GALNT13: variants seen among roughly 807,000 people sequenced by gnomAD.
GALNT13 encodes the protein polypeptide N-acetylgalactosaminyltransferase 13, also known as UDP-GalNAc:polypeptide N-acetylgalactosaminyltransferase 13.
In GALNT13, 28 loss-of-function variants were observed where a neutral mutation model predicts 64.2. The observed-to-expected ratio is 0.44, with a 90% CI of 0.32 to 0.60. The LOEUF (loss-of-function observed/expected upper bound fraction) is 0.60, where lower values mean the gene tolerates loss of function less well. Among genes scored for constraint, GALNT13 ranks in the 20% least tolerant of loss-of-function variants. The pLI, the probability that GALNT13 is intolerant of heterozygous loss-of-function variation, is 0.05. For missense variants in GALNT13, 577 were observed against 669.8 expected (o/e 0.86, Z 1.53); for synonymous variants, 214 against 224.6 (o/e 0.95, Z 0.42).
chr2:153,274,716 T>C, the GALNT13 span, among the ~76,000 whole-genome samples: 225 of 152,350 alleles, frequency 1.5e-3, 1 homozygote, highest in African/African-American at 5.1e-3. Flanking sequence ...TGCATTCTTT[T>C]CTCTACTTTC....
intron 3 of GALNT13, among the ~76,000 whole-genome samples, chr2:154,072,942 G>T (rs1278791343): frequency 6.6e-6 from 1 of 151,966 alleles, no homozygotes; most frequent in Non-Finnish European, 1.5e-5. Flanking sequence ...TATTAATGTG[G>T]CCTATGTCAG....
chr2:154,402,854 C>G (rs2105376695), intron 10 of GALNT13, among the ~76,000 whole-genome samples: 1 of 152,224 alleles, frequency 6.6e-6, no homozygotes, highest in East Asian at 1.9e-4. Context: ...TCAAGGTGTT[C>G]TTAGAAAAGT....
At chr2:153,184,552 A>G in the GALNT13 span, among the ~76,000 whole-genome samples, 69 of 152,296 alleles carry the variant, frequency 4.5e-4, no homozygotes, top group Middle Eastern at 3.4e-3. Context: ...CTAGTTTTCA[A>G]GGGGAATGCT....
the GALNT13 span, among the ~76,000 whole-genome samples, chr2:153,733,921 T>C: frequency 6.6e-6 from 1 of 152,140 alleles, no homozygotes; most frequent in Non-Finnish European, 1.5e-5. Context: ...TTCTTTCAGA[T>C]TGCTGAATTC....
At chr2:154,013,357 C>A (rs1001889758) in intron 3 of GALNT13, among the ~76,000 whole-genome samples, 7 of 151,842 alleles carry the variant, frequency 4.6e-5, no homozygotes, top group African/African-American at 1.7e-4. Flanking sequence ...GAGGTTATGA[C>A]CCTGACGGCT....
At chr2:153,970,702 C>T (rs1693682085) in intron 3 of GALNT13, among the ~76,000 whole-genome samples, 1 of 152,148 alleles carries the variant, frequency 6.6e-6, no homozygotes, top group African/African-American at 2.4e-5. Context: ...TCTCATCTTT[C>T]ATCAAAAGCT....
the GALNT13 span, among the ~76,000 whole-genome samples, chr2:153,755,947 A>G: frequency 6.6e-6 from 1 of 152,170 alleles, no homozygotes; most frequent in Admixed American, 6.6e-5. Flanking sequence ...TGATTTTGCA[A>G]GAAGTTAACT....
At chr2:154,068,414 C>T (rs1409375886) in intron 3 of GALNT13, among the ~76,000 whole-genome samples, 8 of 151,906 alleles carry the variant, frequency 5.3e-5, no homozygotes, top group Admixed American at 5.3e-4. Context: ...GACATACTCC[C>T]ATGTTTATTG....
At chr2:153,841,334 A>C in the GALNT13 span, among the ~76,000 whole-genome samples, 1 of 152,176 alleles carries the variant, frequency 6.6e-6, no homozygotes, top group Non-Finnish European at 1.5e-5. Context: ...ATAGCCAAAC[A>C]TTCCAGCATA....
the GALNT13 span, among the ~76,000 whole-genome samples, chr2:153,530,625 A>G: frequency 2.0e-5 from 3 of 152,138 alleles, no homozygotes; most frequent in Non-Finnish European, 4.4e-5. Context: ...AAATTATACT[A>G]TGGAGTTGTA....
intron 4 of GALNT13, among the ~76,000 whole-genome samples, chr2:154,164,432 A>G (rs1467919786): frequency 1.3e-5 from 2 of 152,122 alleles, no homozygotes; most frequent in Non-Finnish European, 2.9e-5. Flanking sequence ...TAAGATTTCA[A>G]CAACTAGATA....
chr2:153,913,376 G>T (rs1366767217), intron 2 of GALNT13, among the ~76,000 whole-genome samples: 1 of 152,160 alleles, frequency 6.6e-6, no homozygotes. Context: ...AGGAAGGGAA[G>T]GTTTGTCTGT....
chr2:153,588,669 T>C, the GALNT13 span, among the ~76,000 whole-genome samples: 1 of 152,188 alleles, frequency 6.6e-6, no homozygotes, highest in African/African-American at 2.4e-5. Context: ...ATTGTCCCTA[T>C]TGTCTTGGGG....
At chr2:153,164,953 T>G in the GALNT13 span, among the ~76,000 whole-genome samples, 1 of 152,226 alleles carries the variant, frequency 6.6e-6, no homozygotes, top group African/African-American at 2.4e-5. Flanking sequence ...GCCAATACAG[T>G]ACTTTCAAAA....
At chr2:153,101,416 A>G in the GALNT13 span, among the ~76,000 whole-genome samples, 5 of 152,090 alleles carry the variant, frequency 3.3e-5, no homozygotes, top group African/African-American at 9.6e-5. Flanking sequence ...AGGTTGACCA[A>G]CTCCAGGAAT....
chr2:154,417,517 A>ATTTATTTATTTATTTT (rs1553529856), intron 11 of GALNT13, among the ~76,000 whole-genome samples: 3 of 127,040 alleles, frequency 2.4e-5, no homozygotes, highest in Non-Finnish European at 5.0e-5. Context: ...TTATTTATTT[A>ATTTATTTATTTATTTT]TTTATTTTTT....
chr2:153,427,866 A>C, the GALNT13 span, among the ~76,000 whole-genome samples: 1 of 152,138 alleles, frequency 6.6e-6, no homozygotes. Flanking sequence ...CTAGAAAATT[A>C]TTTTAGGAAG....
Position 153,946,863 on chromosome 2 carries a change from G to A in GALNT13, c.142+2224G>A, listed in dbSNP as rs536374424. ...GAGGGTTTTAATTTCATTTTCAGTTGTCACTTGTTATTTCAGAATTTTTAC... is the reference window on the plus strand; with the variant it reads ...GAGGGTTTTAATTTCATTTTCAGTTATCACTTGTTATTTCAGAATTTTTAC... On this transcript the variant is annotated intron_variant, in intron 3 of 12. Transcript: ENST00000392825. Among the ~76,000 whole-genome samples, 14 of 152,112 alleles carry A rather than the reference G, an allele frequency of 9.2e-5. No individual in the cohort carries two copies. The South Asian group carries it at 2.9e-3, about 32-fold the overall frequency.
the GALNT13 span, among the ~76,000 whole-genome samples, chr2:153,638,219 A>G: frequency 6.6e-6 from 1 of 152,124 alleles, no homozygotes; most frequent in Non-Finnish European, 1.5e-5. Context: ...CATCTTATAT[A>G]TCATTGTAAA....
Sources: gnomAD v4.1 joint callset for allele counts (sites outside exome capture counted in the v4.1 genomes callset) on GRCh38, gnomAD v4.1.1 for gene constraint, MANE v1.5 for transcripts, NCBI Gene and HGNC (gene_info 2026-07-23, HGNC 2026-07-21) for gene names.